Variants in NALCN observed in about 807,000 individuals in gnomAD.
The protein encoded by NALCN is sodium leak channel NALCN.
A neutral mutation model predicts 225.3 loss-of-function variants in NALCN; 111 were observed. That is an observed-to-expected ratio of 0.49 (90% CI 0.42 to 0.58). NALCN has a LOEUF of 0.58. NALCN is among the 20% of genes least tolerant of loss of function. The probability of loss-of-function intolerance (pLI) is 0.00; values close to 1 mark genes in which losing one functional copy is unlikely to be tolerated. For missense variants in NALCN, 1,378 were observed against 2,202.4 expected, an observed-to-expected ratio of 0.63 and a Z score of 7.49; for synonymous variants, 764 against 769.0, an observed-to-expected ratio of 0.99 and a Z score of 0.11.
At chr13:101,081,469 A>G in intron 34 of NALCN, 58 bp downstream of exon 34, 1 of 1,611,422 alleles carries the variant, frequency 6.2e-7, no homozygotes, top group South Asian at 1.1e-5. Context: ...AACAGGACTG[A>G]GCAGAACTGA....
Position 101,289,525 on chromosome 13 carries a change from C to CATATATATATATATATATAT in NALCN, c.1047+2445_1047+2464dup, listed in dbSNP as rs10549837. Among the ~76,000 whole-genome samples, 521 of 140,718 alleles carry CATATATATATATATATATAT rather than the reference C, an allele frequency of 3.7e-3. 6 individuals carry two copies. Among genetic ancestry groups the CATATATATATATATATATAT allele is most frequent in the Non-Finnish European group, 6.3e-3 (405 of 64,710 alleles). 92.3% of individuals were successfully genotyped at this position (140,718 alleles called of 152,430 possible). A position where few individuals can be genotyped will look rare whatever the true frequency, so the allele number is the denominator to read the frequency against. On this transcript the variant is annotated intron_variant, in intron 9 of 43. Transcript: ENST00000251127. ...GCCCCTTCTTTGTTCTGAAAATGTG[C>CATATATATATATATATATAT]ATATATATATATATATATATATATA...
chr13:101,193,911 T>C (rs1044797412), intron 13 of NALCN, among the ~76,000 whole-genome samples: 4 of 152,166 alleles, frequency 2.6e-5, no homozygotes, highest in Admixed American at 2.6e-4. Context: ...AACATGTACA[T>C]ATCCTGGAGA....
intron 10 of NALCN, among the ~76,000 whole-genome samples, chr13:101,275,499 C>A (rs140257589): frequency 2.9e-4 from 44 of 152,322 alleles, no homozygotes; most frequent in African/African-American, 1.0e-3. Context: ...TTCTCATCCC[C>A]ATTTTCCATA....
Position 101,144,812 on chromosome 13 carries a change from G to C in NALCN, c.1924C>G (p.Gln642Glu), listed in dbSNP as rs587777038. Residue 642 changes from glutamine to glutamate, a missense_variant, in exon 16 of 44, where the codon CAA (glutamine) becomes GAA (glutamate). This residue lies in a region of NALCN where 62 missense variants were observed against 143.6 expected (regional missense o/e 0.43). Coordinates refer to ENST00000251127, the MANE Select transcript of NALCN (RefSeq NM_052867.4). ...RIFEKFPNRP[Q>E]MVKISKLPSD... ...GGAAGCTTTGAGATTTTCACCATTTGAGGTCTGTTTGGAAATTTTTCAAAG... is the reference window on the plus strand; with the variant it reads ...GGAAGCTTTGAGATTTTCACCATTTCAGGTCTGTTTGGAAATTTTTCAAAG... 6.2e-7 allele frequency: 1 copy of C among 1,613,582 alleles called. No individual in the cohort carries two copies. The highest frequency in any genetic ancestry group is 2.2e-5 in the East Asian group (1 of 44,864).
intron 7 of NALCN, among the ~76,000 whole-genome samples, chr13:101,311,378 C>T (rs1245608064): frequency 6.6e-6 from 1 of 151,460 alleles, no homozygotes; most frequent in Admixed American, 6.6e-5. Flanking sequence ...ATTGCCCTGG[C>T]CAGGACTTCC....
chr13:101,115,443 C>T (rs750983683), intron 18 of NALCN, among the ~76,000 whole-genome samples: 3 of 152,080 alleles, frequency 2.0e-5, no homozygotes, highest in African/African-American at 4.8e-5. Context: ...CTCCATATAC[C>T]TCCTCTTACA....
intron 1 of NALCN, among the ~76,000 whole-genome samples, chr13:101,411,808 C>G (rs1330940025): frequency 6.6e-6 from 1 of 152,012 alleles, no homozygotes; most frequent in Non-Finnish European, 1.5e-5. Flanking sequence ...GATATTTACA[C>G]ACTTCTACCT....
At position 101,258,523 on chromosome 13, in the gene NALCN, C is replaced by T. The variant is rs746103824; in HGVS notation, c.1186G>A (p.Val396Met). The change falls in exon 11 of 44, where the codon GTG becomes ATG. Residue 396 changes from valine (V) to methionine (M), a missense_variant. By Grantham distance (21) the Val-to-Met change is conservative. Coordinates refer to ENST00000251127, the MANE Select transcript of NALCN (RefSeq NM_052867.4). ...TTGCTAGCCGCCACGATCACGTCCA[C>T]GGTCACCATGCTCAGGATGAACATG... ...FHMFILSMVT[V>M]DVIVAASNYY... The T allele has an allele frequency of 3.1e-6, 5 of 1,614,168 alleles. No individual in the cohort carries two copies. The Admixed American group carries it at 6.7e-5, about 22-fold the overall frequency.
chr13:101,143,364 AT>A (rs1430661693), intron 16 of NALCN, 143 bp from the exon 17 acceptor site: 2 of 755,758 alleles, frequency 2.6e-6, no homozygotes, highest in Non-Finnish European at 3.9e-6. Flanking sequence ...AAAATATTTC[AT>A]TAGCAACAGC....
At chr13:101,098,002 T>C (rs1398885489) in intron 27 of NALCN, among the ~76,000 whole-genome samples, 1 of 152,146 alleles carries the variant, frequency 6.6e-6, no homozygotes, top group African/African-American at 2.4e-5. Flanking sequence ...CCATCACCTC[T>C]CCTGAAGTAG....
intron 26 of NALCN, among the ~76,000 whole-genome samples, chr13:101,102,713 T>G (rs796893452): frequency 4.6e-5 from 7 of 152,358 alleles, no homozygotes; most frequent in African/African-American, 1.4e-4. Flanking sequence ...TTTTTAAAGT[T>G]GTTTTATGTT....
intron 7 of NALCN, among the ~76,000 whole-genome samples, chr13:101,322,803 C>A (rs2044796669): frequency 6.6e-6 from 1 of 152,154 alleles, no homozygotes; most frequent in Non-Finnish European, 1.5e-5. Flanking sequence ...ACCTCTGCCT[C>A]CCGGGTTCAA....
intron 7 of NALCN, among the ~76,000 whole-genome samples, chr13:101,330,327 C>T (rs1210249139): frequency 6.6e-6 from 1 of 152,040 alleles, no homozygotes; most frequent in Non-Finnish European, 1.5e-5. Flanking sequence ...CACAGATGTA[C>T]TTGGAGTCAA....
At chr13:101,131,988 TCCC>T (rs1265432343) in intron 17 of NALCN, among the ~76,000 whole-genome samples, 6 of 152,258 alleles carry the variant, frequency 3.9e-5, no homozygotes, top group East Asian at 1.9e-4. Flanking sequence ...ATCACCTCTT[TCCC>T]CCCATTTGAT....
At chr13:101,275,764 T>C (rs2042948816) in intron 10 of NALCN, among the ~76,000 whole-genome samples, 1 of 152,124 alleles carries the variant, frequency 6.6e-6, no homozygotes, top group South Asian at 2.1e-4. Context: ...TTGGCTTATC[T>C]ATGTTCCTAG....
chr13:101,346,087 C>CTCTCTCTCTATATA lies in NALCN; in HGVS notation c.645-668_645-667insTATATAGAGAGAGA. Among the ~76,000 whole-genome samples, 99 of 70,958 alleles carry CTCTCTCTCTATATA rather than the reference C, an allele frequency of 1.4e-3. 1 individual carries two copies. The highest frequency in any genetic ancestry group is 7.5e-3 in the Middle Eastern group (1 of 134). 46.6% of individuals were successfully genotyped at this position (70,958 alleles called of 152,430 possible). On this transcript the variant is annotated intron_variant, in intron 6 of 43. Coordinates refer to ENST00000251127, the MANE Select transcript of NALCN (RefSeq NM_052867.4). ...TCTCTCTCTCTCTCTCTCTCTCTCT[C>CTCTCTCTCTATATA]TATATATATATATATATATATATAT...
intron 18 of NALCN, among the ~76,000 whole-genome samples, chr13:101,120,147 T>C (rs1280076060): frequency 2.0e-5 from 3 of 152,144 alleles, no homozygotes; most frequent in African/African-American, 7.2e-5. Flanking sequence ...CATAGTAATG[T>C]ATATAACATA....
At chr13:101,334,183 T>TGC (rs1275864099) in intron 7 of NALCN, among the ~76,000 whole-genome samples, 2 of 144,728 alleles carry the variant, frequency 1.4e-5, no homozygotes, top group Non-Finnish European at 3.0e-5. Flanking sequence ...CACGCACGTG[T>TGC]GCACACACAC....
In NALCN at chr13:101,147,226, T is replaced by C. The variant is rs143477083; in HGVS notation, c.1840-2330A>G. ...TGCACCACTGGGTTCCTGCATTTCC[T>C]GCAGTGCTTTCTCCATCTGCTTCAG... On this transcript the variant is annotated intron_variant, in intron 15 of 43. Coordinates refer to ENST00000251127, the MANE Select transcript of NALCN (RefSeq NM_052867.4). Among the ~76,000 whole-genome samples the C allele has an allele frequency of 3.0e-3, 463 of 152,352 alleles. 1 individual carries two copies. Among genetic ancestry groups the C allele is most frequent in the African/African-American group, 8.9e-3 (369 of 41,582 alleles).
Sources: gnomAD v4.1 joint callset for allele counts (sites outside exome capture counted in the v4.1 genomes callset) on GRCh38, gnomAD v4.1.1 for gene constraint, gnomAD v4.1.1 regional missense constraint, MANE v1.5 for transcripts, NCBI Gene and HGNC (gene_info 2026-07-23, HGNC 2026-07-21) for gene names.